Variants in PRRT1B observed in about 807,000 individuals in gnomAD.
PRRT1B encodes dispanin subfamily D member 2.
downstream of PRRT1B, among the ~76,000 whole-genome samples, chr9:131,559,482 C>T (rs1951071355): frequency 6.6e-6 from 1 of 152,182 alleles, no homozygotes; most frequent in Non-Finnish European, 1.5e-5. Context: ...AAGGGGACCC[C>T]CAGCTGAGCC....
chr9:131,556,176 T>A (rs1431775800), exon 3 of PRRT1B: 3 of 401,016 alleles, frequency 7.5e-6, no homozygotes, highest in African/African-American at 4.1e-5. Context: ...TTCTGCTGTC[T>A]GCTCACCGGT....
At chr9:131,557,073 C>T (rs891293574) in intron 3 of PRRT1B, among the ~76,000 whole-genome samples, 2 of 152,026 alleles carry the variant, frequency 1.3e-5, no homozygotes, top group Admixed American at 6.6e-5. Flanking sequence ...CCAATCCCTA[C>T]CCATCCATCC....
intron 2 of PRRT1B, among the ~76,000 whole-genome samples, 177 bp downstream of exon 2, chr9:131,555,206 A>T (rs1951041085): frequency 6.6e-6 from 1 of 151,902 alleles, no homozygotes; most frequent in Admixed American, 6.6e-5. Context: ...GGCTAAGGCA[A>T]AGAGAACGAC....
intron 1 of PRRT1B, among the ~76,000 whole-genome samples, chr9:131,548,060 G>A (rs1443593275): frequency 6.6e-6 from 1 of 152,094 alleles, no homozygotes; most frequent in Non-Finnish European, 1.5e-5. Flanking sequence ...GCCTGCCTTG[G>A]TCATTCACCC....
At position 131,551,806 on chromosome 9, in the gene PRRT1B, A is replaced by G. The variant is rs1480809967; in HGVS notation, c.26-2751A>G. On this transcript the variant is annotated intron_variant, in intron 1 of 3. Transcript: ENST00000636672. The surrounding 1 kb of genome is among the most constrained non-coding windows in gnomAD (Gnocchi z 4.4). ...ATTTTCCTTTACCTACGCAAATCCT[A>G]TAAGACGGCCCACCCCATCTCCCTT... is the stretch of plus-strand genomic sequence containing the variant. Among the ~76,000 whole-genome samples, 2 of 117,576 alleles carry G rather than the reference A, an allele frequency of 1.7e-5. No individual in the cohort carries two copies. The highest frequency in any genetic ancestry group is 8.3e-5 in the Admixed American group (1 of 12,090). 77.1% of individuals were successfully genotyped at this position (117,576 alleles called of 152,430 possible). A position where few individuals can be genotyped will look rare whatever the true frequency, so the allele number is the denominator to read the frequency against.
At chr9:131,559,210 G>A (rs1439826062), downstream of PRRT1B, among the ~76,000 whole-genome samples, 7 of 55,684 alleles carry the variant, frequency 1.3e-4, no homozygotes, top group East Asian at 1.1e-3. Context: ...TTGGGAGGCC[G>A]AGGTGGGTGG....
At chr9:131,557,925 G>A in intron 3 of PRRT1B, 128 bp from the exon 4 acceptor site, 1 of 397,386 alleles carries the variant, frequency 2.5e-6, no homozygotes, top group East Asian at 3.6e-5. Context: ...GGGCCTGGCA[G>A]GTCCCTGACC....
At chr9:131,550,312 G>GGATCTC (rs1190898766) in intron 1 of PRRT1B, among the ~76,000 whole-genome samples, 2 of 152,038 alleles carry the variant, frequency 1.3e-5, no homozygotes, top group Non-Finnish European at 2.9e-5. Context: ...ATTCTGTTCT[G>GGATCTC]GATCTCAAAC....
At chr9:131,555,245 G>A (rs1951041345) in intron 2 of PRRT1B, among the ~76,000 whole-genome samples, 1 of 152,270 alleles carries the variant, frequency 6.6e-6, no homozygotes, top group Non-Finnish European at 1.5e-5. Context: ...ACACCGCACA[G>A]GCGTGGAGGG....
rs527412414 is a variant in PRRT1B at position 131,551,188 on chromosome 9, C to T, written c.26-3369C>T. Among the ~76,000 whole-genome samples, 43 of 152,084 alleles carry T rather than the reference C, an allele frequency of 2.8e-4. No homozygotes were observed. Among genetic ancestry groups the T allele is most frequent in the Admixed American group, 2.5e-3 (38 of 15,272 alleles). ...CAATCTCCTGACCTCATGATCCACC[C>T]GCTTCAGCCTCCCAAAATGCTGGGA... is the stretch of plus-strand genomic sequence containing the variant. On this transcript the variant is annotated intron_variant, in intron 1 of 3. Coordinates refer to ENST00000636672, the Ensembl canonical transcript of PRRT1B. The surrounding 1 kb of genome is among the most constrained non-coding windows in gnomAD (Gnocchi z 4.4).
chr9:131,555,032 G>A lies in PRRT1B; in HGVS notation c.498+3G>A. On this transcript the variant is annotated splice_donor_region_variant and intron_variant, in intron 2 of 3. Transcript: ENST00000636672. Reference sequence around the variant, plus strand: ...GGGCCGCCTTCCCCTTCCCCGTGGTGAGTGGCCGCCGCCCTGGGCGCGCTC... The same window carrying A: ...GGGCCGCCTTCCCCTTCCCCGTGGTAAGTGGCCGCCGCCCTGGGCGCGCTC... 2.6e-6 allele frequency: 1 copy of A among 391,290 alleles called. No individual in the cohort carries two copies. 24.2% of individuals were successfully genotyped at this position (391,290 alleles called of 1,614,324 possible).
intron 3 of PRRT1B, among the ~76,000 whole-genome samples, 193 bp from the exon 4 acceptor site, chr9:131,557,860 G>A (rs1951060287): frequency 6.6e-6 from 1 of 152,268 alleles, no homozygotes; most frequent in South Asian, 2.1e-4. Context: ...AGCGTGACAA[G>A]CGCCTGATGG....
intron 3 of PRRT1B, among the ~76,000 whole-genome samples, chr9:131,557,574 G>T (rs1471497994): frequency 6.6e-6 from 1 of 152,132 alleles, no homozygotes; most frequent in African/African-American, 2.4e-5. Flanking sequence ...AGGCTCTGGG[G>T]GGCCTATGCT....
intron 1 of PRRT1B, among the ~76,000 whole-genome samples, chr9:131,548,670 G>T (rs922119337): frequency 2.0e-5 from 3 of 152,032 alleles, no homozygotes; most frequent in African/African-American, 7.3e-5. Flanking sequence ...AAGCGTCACT[G>T]AGTCTTTTGA....
At chr9:131,552,669 C>G (rs867724221) in intron 1 of PRRT1B, among the ~76,000 whole-genome samples, 2 of 140,458 alleles carry the variant, frequency 1.4e-5, no homozygotes, top group South Asian at 4.7e-4. Flanking sequence ...GGGAGCCCAA[C>G]CTCTAAGGTT....
At chr9:131,557,615 ACT>A (rs1951058990) in intron 3 of PRRT1B, among the ~76,000 whole-genome samples, 1 of 152,016 alleles carries the variant, frequency 6.6e-6, no homozygotes, top group Non-Finnish European at 1.5e-5. Context: ...CCCTGGCTTG[ACT>A]CTGCTGTTCA....
chr9:131,547,515 C>T (rs1950984475), intron 1 of PRRT1B, among the ~76,000 whole-genome samples: 1 of 152,174 alleles, frequency 6.6e-6, no homozygotes, highest in Admixed American at 6.5e-5. Context: ...CCCCATGTCC[C>T]TTCGCTGACT....
intron 1 of PRRT1B, among the ~76,000 whole-genome samples, 156 bp from the exon 2 acceptor site, chr9:131,554,401 G>A (rs902677671): frequency 2.0e-5 from 3 of 152,186 alleles, no homozygotes; most frequent in Non-Finnish European, 2.9e-5. Flanking sequence ...CAAGGCAGGT[G>A]GCCCCTCTGG....
chr9:131,557,207 T>C (rs1413397096), intron 3 of PRRT1B, among the ~76,000 whole-genome samples: 1 of 152,084 alleles, frequency 6.6e-6, no homozygotes, highest in Non-Finnish European at 1.5e-5. Flanking sequence ...ATTAGGCCCT[T>C]GGGATTCAAA....
Sources: allele counts gnomAD v4.1 joint callset (sites outside exome capture counted in the v4.1 genomes callset), GRCh38; gene constraint gnomAD v4.1.1; non-coding constraint Gnocchi (gnomAD v3.1); transcripts MANE v1.5; gene names NCBI Gene and HGNC (gene_info 2026-07-23, HGNC 2026-07-21).